C17orf114: variants seen among roughly 807,000 people sequenced by gnomAD.
The protein encoded by C17orf114 is chromosome 17 open reading frame 114.
chr17:4,802,293 G>A (rs904081828), exon 1 of C17orf114: 1 of 399,476 alleles, frequency 2.5e-6, no homozygotes, highest in African/African-American at 2.1e-5. Context: ...CGCACCATGG[G>A]AAACACCATG....
upstream of C17orf114, among the ~76,000 whole-genome samples, chr17:4,803,062 G>A (rs1039960494): frequency 2.0e-5 from 3 of 152,008 alleles, no homozygotes; most frequent in East Asian, 1.9e-4. Flanking sequence ...GACTACAGGC[G>A]TACACCACCA....
upstream of C17orf114, among the ~76,000 whole-genome samples, chr17:4,803,814 A>G (rs1243820445): frequency 6.6e-6 from 1 of 150,944 alleles, no homozygotes; most frequent in Non-Finnish European, 1.5e-5. Context: ...CTCCGTCTCC[A>G]GGGCTCAAGC....
chr17:4,802,826 CCT>C (rs1316061117), upstream of C17orf114, among the ~76,000 whole-genome samples: 3 of 152,042 alleles, frequency 2.0e-5, no homozygotes, highest in East Asian at 1.9e-4. Context: ...GTTCCTGTCC[CCT>C]GTTATGAAGA....
At chr17:4,802,277 G>C (rs770965837) in exon 1 of C17orf114, 59 of 399,590 alleles carry the variant, frequency 1.5e-4, no homozygotes, top group South Asian at 2.5e-4. Context: ...CGCTGCCTCC[G>C]GCACCCGCAC....
chr17:4,804,188 CTG>C (rs1905583381), upstream of C17orf114, among the ~76,000 whole-genome samples: 1 of 151,336 alleles, frequency 6.6e-6, no homozygotes, highest in Non-Finnish European at 1.5e-5. Context: ...TGTGGAAGTG[CTG>C]TGTTTTTTTT....
intron 1 of C17orf114, 43 bp from the exon 2 acceptor site, chr17:4,801,498 C>T (rs1282120602): frequency 7.5e-6 from 3 of 398,632 alleles, no homozygotes; most frequent in South Asian, 1.3e-4. Context: ...TCAGGGTTCA[C>T]CTCCTCCCTC....
At chr17:4,801,987 C>T (rs1424389093) in intron 1 of C17orf114, among the ~76,000 whole-genome samples, 1 of 152,060 alleles carries the variant, frequency 6.6e-6, no homozygotes, top group East Asian at 1.9e-4. Flanking sequence ...CCTTGGCCTC[C>T]CAAAGTGCTA....
At chr17:4,803,791 G>C (rs1262662674), upstream of C17orf114, among the ~76,000 whole-genome samples, 1 of 151,354 alleles carries the variant, frequency 6.6e-6, no homozygotes, top group African/African-American at 2.4e-5. Flanking sequence ...GTGCAATCTC[G>C]TCTCACTGCA....
upstream of C17orf114, among the ~76,000 whole-genome samples, chr17:4,803,335 T>C (rs1166822735): frequency 6.6e-6 from 1 of 151,652 alleles, no homozygotes; most frequent in East Asian, 1.9e-4. Flanking sequence ...CGCAGGCAGT[T>C]ATTAGCCGAG....
chr17:4,801,204 G>A (rs906966364), exon 2 of C17orf114: 10 of 398,108 alleles, frequency 2.5e-5, no homozygotes, highest in African/African-American at 2.1e-4. Flanking sequence ...AAAGGACTTG[G>A]GGAGGTGGAC....
upstream of C17orf114, among the ~76,000 whole-genome samples, chr17:4,803,503 C>G (rs1476241125): frequency 1.5e-5 from 2 of 133,480 alleles, no homozygotes; most frequent in Non-Finnish European, 3.1e-5. Flanking sequence ...TGGCTCACTG[C>G]AAACTCTGCC....
chr17:4,805,467 G>A (rs1172656908), upstream of C17orf114, among the ~76,000 whole-genome samples: 1 of 151,916 alleles, frequency 6.6e-6, no homozygotes, highest in Non-Finnish European at 1.5e-5. Context: ...GCTCACGCCT[G>A]TAATCCCAGC....
upstream of C17orf114, among the ~76,000 whole-genome samples, chr17:4,804,192 G>GT (rs1186473595): frequency 6.7e-6 from 1 of 149,992 alleles, no homozygotes; most frequent in Admixed American, 6.7e-5. Flanking sequence ...GAAGTGCTGT[G>GT]TTTTTTTTCT....
upstream of C17orf114, among the ~76,000 whole-genome samples, chr17:4,804,454 T>C (rs59259431): frequency 0.017 from 2,522 of 152,166 alleles, 76 homozygotes; most frequent in African/African-American, 0.058. Context: ...TCTGCCCTCC[T>C]CAGCCTCGCA....
At chr17:4,803,261 C>G (rs1905556679), upstream of C17orf114, among the ~76,000 whole-genome samples, 1 of 151,474 alleles carries the variant, frequency 6.6e-6, no homozygotes, top group South Asian at 2.1e-4. Flanking sequence ...TTAGGTGAGT[C>G]TATCCTGGTT....
upstream of C17orf114, among the ~76,000 whole-genome samples, chr17:4,803,091 G>A: frequency 6.6e-6 from 1 of 151,666 alleles, no homozygotes; most frequent in East Asian, 1.9e-4. Context: ...TAATTTTTTT[G>A]TATTTTTAGT....
chr17:4,802,063 G>T (rs1273585839), intron 1 of C17orf114, among the ~76,000 whole-genome samples, 184 bp downstream of exon 1: 1 of 152,106 alleles, frequency 6.6e-6, no homozygotes, highest in Non-Finnish European at 1.5e-5. Context: ...GGCCCCACTT[G>T]GTCATTTCGA....
At chr17:4,801,558 G>GA in intron 1 of C17orf114, 103 bp from the exon 2 acceptor site, 1 of 397,216 alleles carries the variant, frequency 2.5e-6, no homozygotes, top group Non-Finnish European at 4.4e-6. Flanking sequence ...GACACCTGGG[G>GA]CCTGGGGGCT....
chr17:4,806,576 T>G (rs1257259809), upstream of C17orf114, among the ~76,000 whole-genome samples: 1 of 152,018 alleles, frequency 6.6e-6, no homozygotes, highest in Non-Finnish European at 1.5e-5. Flanking sequence ...TGGCACGGAG[T>G]AAGCGCGCAA....
Sources: allele counts gnomAD v4.1 joint callset (sites outside exome capture counted in the v4.1 genomes callset), GRCh38; gene constraint gnomAD v4.1.1; transcripts MANE v1.5; gene names NCBI Gene and HGNC (gene_info 2026-07-23, HGNC 2026-07-21).